Variants in PDE12 observed in about 807,000 individuals in gnomAD.
PDE12 encodes the protein 2',5'-phosphodiesterase 12.
In PDE12, 26 loss-of-function variants were observed where a neutral mutation model predicts 45.4. That is an observed-to-expected ratio of 0.57 (90% CI 0.42 to 0.79). The LOEUF (loss-of-function observed/expected upper bound fraction) is 0.79, where lower values mean the gene tolerates loss of function less well. Among genes scored for constraint, PDE12 ranks in the 30% least tolerant of loss-of-function variants. The probability of loss-of-function intolerance (pLI) is 0.00; values close to 1 mark genes in which losing one functional copy is unlikely to be tolerated. For synonymous variants in PDE12, 283 were observed against 323.9 expected, an observed-to-expected ratio of 0.87 and a Z score of 1.36; for missense variants, 668 against 790.0, an observed-to-expected ratio of 0.85 and a Z score of 1.85.
chr3:57,574,104 A>AT, the PDE12 span, among the ~76,000 whole-genome samples: 3 of 151,506 alleles, frequency 2.0e-5, no homozygotes, highest in Non-Finnish European at 2.9e-5. Flanking sequence ...ACTGCACCTA[A>AT]TTTTTTTGTA....
At chr3:57,569,296 T>A (rs1004435700), downstream of PDE12, among the ~76,000 whole-genome samples, 4 of 152,062 alleles carry the variant, frequency 2.6e-5, no homozygotes, top group Admixed American at 1.3e-4. Flanking sequence ...TAAAAAAAAA[T>A]ACAAAGACTG....
At chr3:57,645,002 C>T in the PDE12 span, among the ~76,000 whole-genome samples, 2 of 151,394 alleles carry the variant, frequency 1.3e-5, no homozygotes, top group East Asian at 3.9e-4. Flanking sequence ...TTTGTTGTTG[C>T]TTTAGAAATC....
chr3:57,639,132 C>T, the PDE12 span, among the ~76,000 whole-genome samples: 1 of 152,044 alleles, frequency 6.6e-6, no homozygotes, highest in African/African-American at 2.4e-5. Flanking sequence ...TTTAAATAGA[C>T]ATTTCACCAA....
chr3:57,557,227 ATC>A lies in PDE12; in HGVS notation c.852_853del (p.Tyr285HisfsTer6), dbSNP rs771789575. The A allele has an allele frequency of 6.2e-7, 1 of 1,612,474 alleles. No individual in the cohort carries two copies. The highest frequency in any genetic ancestry group is 2.2e-5 in the East Asian group (1 of 44,778). The stretch of plus-strand genomic sequence containing the variant: ...GGCACCTGCACTTTTGACCACCGGC[ATC>A]TCTACACGAAGAAGGTGACTGAGGA... On this transcript the variant is annotated frameshift_variant, in exon 1 of 3. Transcript: ENST00000311180. LOFTEE classifies it high-confidence loss of function.
chr3:57,641,411 G>A, the PDE12 span, among the ~76,000 whole-genome samples: 1 of 145,836 alleles, frequency 6.9e-6, no homozygotes, highest in Non-Finnish European at 1.5e-5. Context: ...TTCTATAAGT[G>A]TTATATTATT....
At chr3:57,647,591 T>C in the PDE12 span, among the ~76,000 whole-genome samples, 15 of 152,128 alleles carry the variant, frequency 9.9e-5, no homozygotes, top group Non-Finnish European at 5.9e-5. Context: ...GCCTGATGAG[T>C]AGCATCAAAG....
the PDE12 span, among the ~76,000 whole-genome samples, chr3:57,618,026 G>A: frequency 6.6e-6 from 1 of 152,154 alleles, no homozygotes; most frequent in African/African-American, 2.4e-5. Flanking sequence ...GCAAATTAAT[G>A]CAGAAACAGA....
the PDE12 span, among the ~76,000 whole-genome samples, chr3:57,656,442 G>C: frequency 6.6e-6 from 1 of 151,838 alleles, no homozygotes; most frequent in Non-Finnish European, 1.5e-5. Flanking sequence ...TGGATACTTC[G>C]GTTGTGTATA....
chr3:57,643,092 T>G, the PDE12 span, among the ~76,000 whole-genome samples: 1 of 151,324 alleles, frequency 6.6e-6, no homozygotes, highest in Non-Finnish European at 1.5e-5. Flanking sequence ...AAAAGCAAAT[T>G]TGGATATGCA....
the PDE12 span, chr3:57,645,855 G>A: frequency 1.9e-5 from 14 of 756,006 alleles, no homozygotes; most frequent in Non-Finnish European, 3.0e-5. Context: ...CACACAAAGG[G>A]ATACTTTGTT....
intron 1 of PDE12, 73 bp downstream of exon 1, chr3:57,557,760 G>C (rs985842153): frequency 4.9e-5 from 66 of 1,350,246 alleles, no homozygotes; most frequent in Non-Finnish European, 6.2e-5. Flanking sequence ...AATGAGGTGG[G>C]GGTTAAAAGT....
the PDE12 span, among the ~76,000 whole-genome samples, chr3:57,614,544 G>GT: frequency 8.2e-3 from 998 of 121,246 alleles, 9 homozygotes; most frequent in African/African-American, 0.015. Context: ...TTTGTTTTTT[G>GT]TTTTTTTTTT....
At chr3:57,576,259 A>G in the PDE12 span, among the ~76,000 whole-genome samples, 1 of 152,198 alleles carries the variant, frequency 6.6e-6, no homozygotes, top group Non-Finnish European at 1.5e-5. Flanking sequence ...GTTTTCATTT[A>G]TATGAATGTC....
the PDE12 span, among the ~76,000 whole-genome samples, chr3:57,640,081 C>G: frequency 6.6e-6 from 1 of 150,806 alleles, no homozygotes; most frequent in Non-Finnish European, 1.5e-5. Flanking sequence ...CCAAACTGGC[C>G]AACATGGTGA....
At chr3:57,575,628 T>C in the PDE12 span, 1 of 1,613,520 alleles carries the variant, frequency 6.2e-7, no homozygotes, top group Non-Finnish European at 8.5e-7. Context: ...TCCTGTTTGT[T>C]TGCAAAAAGT....
At chr3:57,559,496 GTTTTTC>G (rs778490569) in intron 2 of PDE12, 60 bp from the exon 3 acceptor site, 173 of 1,557,714 alleles carry the variant, frequency 1.1e-4, no homozygotes, top group Non-Finnish European at 1.5e-4. Context: ...AATTTGTGTA[GTTTTTC>G]TTTTTTAACT....
the PDE12 span, among the ~76,000 whole-genome samples, chr3:57,648,562 A>C: frequency 6.6e-6 from 1 of 152,340 alleles, no homozygotes; most frequent in East Asian, 1.9e-4. Context: ...TAGCTAAAGT[A>C]AGACTAAGCA....
chr3:57,631,009 G>A, the PDE12 span: 6 of 1,600,978 alleles, frequency 3.7e-6, no homozygotes, highest in South Asian at 2.3e-5. Flanking sequence ...AATAAAAGGA[G>A]TGTCTTCAAA....
At chr3:57,642,756 G>A in the PDE12 span, among the ~76,000 whole-genome samples, 1 of 152,078 alleles carries the variant, frequency 6.6e-6, no homozygotes, top group South Asian at 2.1e-4. Context: ...TGTAATCCCA[G>A]CCCTTTGGGA....
Sources: allele counts gnomAD v4.1 joint callset (sites outside exome capture counted in the v4.1 genomes callset), GRCh38; gene constraint gnomAD v4.1.1; transcripts MANE v1.5; gene names NCBI Gene and HGNC (gene_info 2026-07-23, HGNC 2026-07-21).